VAC14: variants seen among roughly 807,000 people sequenced by gnomAD.
The protein encoded by VAC14 is VAC14 component of PIKFYVE complex, also known as protein VAC14 homolog.
Under a neutral mutation model 85.3 loss-of-function variants are expected in VAC14, and 47 were observed. The observed-to-expected ratio is 0.55, with a 90% confidence interval of 0.44 to 0.70. The LOEUF (loss-of-function observed/expected upper bound fraction) is 0.70, where lower values mean the gene tolerates loss of function less well. Among genes scored for constraint, VAC14 ranks in the 30% least tolerant of loss-of-function variants. The pLI, the probability that VAC14 is intolerant of heterozygous loss-of-function variation, is 0.00. For synonymous variants in VAC14, 447 were observed against 430.5 expected, an observed-to-expected ratio of 1.04 and a Z score of -0.47; for missense variants, 861 against 1,004.3, an observed-to-expected ratio of 0.86 and a Z score of 1.93.
chr16:70,690,601 A>T (rs1021914067), intron 18 of VAC14: 1 of 985,326 alleles, frequency 1.0e-6, no homozygotes, highest in African/African-American at 1.7e-5. Context: ...CTTGGAGCAC[A>T]CAGAACCAGG....
intron 18 of VAC14, chr16:70,689,022 G>A (rs2053550001): frequency 1.0e-6 from 1 of 985,296 alleles, no homozygotes; most frequent in Non-Finnish European, 1.2e-6. Context: ...TAAGCAGAGA[G>A]TCTTGGGGCC....
At chr16:70,710,681 C>T (rs1385019442) in intron 14 of VAC14, among the ~76,000 whole-genome samples, 2 of 152,242 alleles carry the variant, frequency 1.3e-5, no homozygotes, top group East Asian at 3.9e-4. Flanking sequence ...TCCCCTTCTG[C>T]CTCGTCGGTG....
At chr16:70,727,284 G>A (rs1322257108) in intron 14 of VAC14, among the ~76,000 whole-genome samples, 1 of 152,182 alleles carries the variant, frequency 6.6e-6, no homozygotes, top group Admixed American at 6.5e-5. Flanking sequence ...TCAGGCCTGT[G>A]GCTTCATGCC....
intron 1 of VAC14, among the ~76,000 whole-genome samples, chr16:70,792,208 G>T (rs768033253): frequency 1.3e-5 from 2 of 152,120 alleles, no homozygotes; most frequent in Admixed American, 6.5e-5. Context: ...AACTACAAGG[G>T]GAAGCAGAGT....
intron 12 of VAC14, among the ~76,000 whole-genome samples, chr16:70,756,469 G>A (rs865804611): frequency 2.0e-5 from 3 of 152,238 alleles, no homozygotes; most frequent in Admixed American, 6.5e-5. Flanking sequence ...AAAGCAAATC[G>A]CACCTTAAAA....
intron 9 of VAC14, among the ~76,000 whole-genome samples, chr16:70,773,767 T>C (rs1421306076): frequency 2.0e-5 from 3 of 151,932 alleles, no homozygotes; most frequent in Admixed American, 6.6e-5. Flanking sequence ...ATTATTATTA[T>C]TATTATTTTT....
intron 18 of VAC14, chr16:70,692,040 C>T (rs920398704): frequency 3.0e-6 from 3 of 984,130 alleles, no homozygotes; most frequent in African/African-American, 3.5e-5. Context: ...CTGCTGGTTT[C>T]CATGGCGACC....
intron 5 of VAC14, among the ~76,000 whole-genome samples, chr16:70,783,901 C>T (rs1315872379): frequency 6.6e-6 from 1 of 152,166 alleles, no homozygotes; most frequent in South Asian, 2.1e-4. Flanking sequence ...ACTGGACTCC[C>T]TTCCAGGGCA....
At chr16:70,771,498 T>C (rs2033218352) in intron 10 of VAC14, 1 of 152,194 alleles carries the variant, frequency 6.6e-6, no homozygotes. Context: ...AGCTGTACTT[T>C]TATTATTATA....
intron 16 of VAC14, chr16:70,695,904 G>C (rs556631222): frequency 6.3e-6 from 2 of 317,062 alleles, no homozygotes; most frequent in Admixed American, 8.6e-5. Flanking sequence ...GCAGCCCGTT[G>C]GGGGAGGGCT....
At chr16:70,737,046 C>T (rs530123167) in intron 13 of VAC14, among the ~76,000 whole-genome samples, 1 of 152,322 alleles carries the variant, frequency 6.6e-6, no homozygotes, top group East Asian at 1.9e-4. Context: ...GAGATGCTCT[C>T]TGAGGCAGGG....
intron 9 of VAC14, 38 bp from the exon 10 acceptor site, chr16:70,772,210 G>A: frequency 1.3e-6 from 2 of 1,579,344 alleles, no homozygotes; most frequent in Non-Finnish European, 1.7e-6. Context: ...ATGAAAGGCT[G>A]TTGGCTCTCT....
At chr16:70,738,095 G>A (rs2054819434) in intron 13 of VAC14, among the ~76,000 whole-genome samples, 1 of 152,244 alleles carries the variant, frequency 6.6e-6, no homozygotes, top group African/African-American at 2.4e-5. Context: ...GTCGTGCTTG[G>A]CACAGGAAGT....
chr16:70,740,904 G>A (rs976835306), intron 13 of VAC14, among the ~76,000 whole-genome samples: 2 of 152,242 alleles, frequency 1.3e-5, no homozygotes, highest in African/African-American at 4.8e-5. Context: ...CTGCCTCGGG[G>A]GGCCCTGGGA....
chr16:70,759,547 GA>G (rs1309272575), intron 12 of VAC14, among the ~76,000 whole-genome samples: 1 of 152,204 alleles, frequency 6.6e-6, no homozygotes, highest in African/African-American at 2.4e-5. Context: ...AGGACTGCTT[GA>G]ACCCCGGAGG....
chr16:70,749,908 C>G (rs1185400469), intron 12 of VAC14, among the ~76,000 whole-genome samples: 5 of 152,190 alleles, frequency 3.3e-5, no homozygotes, highest in African/African-American at 1.2e-4. Context: ...GAGAGGAAGG[C>G]CCTGGGAGGC....
intron 14 of VAC14, among the ~76,000 whole-genome samples, chr16:70,728,746 C>T (rs939129377): frequency 6.6e-6 from 1 of 152,250 alleles, no homozygotes; most frequent in African/African-American, 2.4e-5. Context: ...GCCCAGTTCT[C>T]CAGAGGGGAC....
chr16:70,798,120 G>C (rs1460256853), intron 1 of VAC14, among the ~76,000 whole-genome samples: 1 of 152,166 alleles, frequency 6.6e-6, no homozygotes, highest in African/African-American at 2.4e-5. Context: ...AGGCACAGAG[G>C]TTAATTAGCT....
intron 13 of VAC14, among the ~76,000 whole-genome samples, chr16:70,740,707 C>T (rs897359940): frequency 6.6e-6 from 1 of 152,218 alleles, no homozygotes; most frequent in Admixed American, 6.5e-5. Context: ...GCTTCCCTCA[C>T]AGCTGCCCGC....
Sources: gnomAD v4.1 joint callset for allele counts (sites outside exome capture counted in the v4.1 genomes callset) on GRCh38, gnomAD v4.1.1 for gene constraint, MANE v1.5 for transcripts, NCBI Gene and HGNC (gene_info 2026-07-23, HGNC 2026-07-21) for gene names.